ATP11A: variants seen among roughly 807,000 people sequenced by gnomAD.
ATP11A encodes the protein phospholipid-transporting ATPase IH.
In ATP11A, 81 loss-of-function variants were observed where a neutral mutation model predicts 154.4. The observed-to-expected ratio is 0.52, with a 90% CI of 0.44 to 0.63. The LOEUF (loss-of-function observed/expected upper bound fraction) is 0.63. Among genes scored for constraint, ATP11A ranks in the 30% least tolerant of loss-of-function variants. ATP11A has a pLI of 0.00. For missense variants in ATP11A, 1,316 were observed against 1,474.3 expected, an observed-to-expected ratio of 0.89 and a Z score of 1.76; for synonymous variants, 623 against 585.9, an observed-to-expected ratio of 1.06 and a Z score of -0.91.
chr13:112,752,040 CT>C (rs1374187259), intron 1 of ATP11A, among the ~76,000 whole-genome samples: 3 of 152,242 alleles, frequency 2.0e-5, no homozygotes, highest in Non-Finnish European at 4.4e-5. Flanking sequence ...TAAGGGACCC[CT>C]TCCCCCTTTC....
rs1887963482 is a variant in ATP11A at position 112,713,198 on chromosome 13, C to T, written c.39+22743C>T. ...GATCACAAGGTCAGGAGTTTGAGAC[C>T]GGCCTGGCCAACATGGTGAAACCCC... is the stretch of plus-strand genomic sequence containing the variant. On this transcript the variant is annotated intron_variant, in intron 1 of 29. Coordinates refer to ENST00000375645, the MANE Select transcript of ATP11A (RefSeq NM_015205.3). Among the ~76,000 whole-genome samples the T allele has an allele frequency of 3.9e-5, 6 of 152,244 alleles. No homozygotes were observed. In the South Asian group the frequency reaches 1.0e-3, roughly 26 times the overall value.
chr13:112,834,973 C>T (rs1202600154), intron 15 of ATP11A, among the ~76,000 whole-genome samples: 1 of 152,242 alleles, frequency 6.6e-6, no homozygotes, highest in African/African-American at 2.4e-5. Context: ...TCAGGTTTTG[C>T]TGCAGGCCGC....
At chr13:112,822,540 C>T (rs2078825864) in intron 8 of ATP11A, among the ~76,000 whole-genome samples, 1 of 152,042 alleles carries the variant, frequency 6.6e-6, no homozygotes, top group African/African-American at 2.4e-5. Context: ...CCTTTGTCTC[C>T]AGGAATAAGA....
chr13:112,882,881 C>G lies in ATP11A; in HGVS notation c.*1015C>G, dbSNP rs1192053113. ...CAACACCAAGGTGGTGTTCGTGCACCAGAACCTGTCTCGGGCTGACGGGGG... is the reference window on the plus strand; with the variant it reads ...CAACACCAAGGTGGTGTTCGTGCACGAGAACCTGTCTCGGGCTGACGGGGG... On this transcript the variant is annotated 3_prime_UTR_variant, in exon 30 of 30. Transcript: ENST00000375645. This position sits in a 1 kb window ranked among gnomAD's most constrained non-coding sequence, Gnocchi z 5.1. 2.5e-6 allele frequency: 1 copy of G among 398,754 alleles called. No individual in the cohort carries two copies. Among genetic ancestry groups the G allele is most frequent in the African/African-American group, 2.1e-5 (1 of 48,604 alleles). 24.7% of individuals were successfully genotyped at this position (398,754 alleles called of 1,614,324 possible). A position where few individuals can be genotyped will look rare whatever the true frequency, so the allele number is the denominator to read the frequency against.
chr13:112,774,961 T>C (rs1433762825), intron 1 of ATP11A, among the ~76,000 whole-genome samples: 1 of 152,182 alleles, frequency 6.6e-6, no homozygotes, highest in African/African-American at 2.4e-5. Context: ...TGCAAGACCC[T>C]GGGGAATGGA....
In ATP11A at chr13:112,800,216, G is replaced by GA. The variant is rs35798419; in HGVS notation, c.163-4730dup. On this transcript the variant is annotated intron_variant, in intron 2 of 29. Transcript: ENST00000375645. ...TTTAAACATCAAAAGCTGGTTCTTT[G>GA]AAAAAAAAAAATCAATAAAATCAAT... Among the ~76,000 whole-genome samples, 93 of 149,224 alleles carry GA rather than the reference G, an allele frequency of 6.2e-4. No individual in the cohort carries two copies. In the East Asian group the frequency reaches 0.01, roughly 17 times the overall value.
chr13:112,815,863 TTGTC>T (rs1190389824), intron 5 of ATP11A, among the ~76,000 whole-genome samples: 1 of 152,182 alleles, frequency 6.6e-6, no homozygotes, highest in African/African-American at 2.4e-5. Flanking sequence ...TTACAGGTGT[TTGTC>T]TGTGTTTTTG....
chr13:112,729,677 C>T (rs966650830), intron 1 of ATP11A, among the ~76,000 whole-genome samples: 17 of 152,224 alleles, frequency 1.1e-4, no homozygotes, highest in Non-Finnish European at 1.3e-4. Context: ...AAGGCACTGC[C>T]GCAGCGCTCC....
At chr13:112,815,959 C>T in intron 5 of ATP11A, 124 bp from the exon 6 acceptor site, 1 of 1,350,102 alleles carries the variant, frequency 7.4e-7, no homozygotes, top group African/African-American at 1.5e-5. Context: ...TTTCCTGAAA[C>T]CGTGTCCACA....
At chr13:112,765,852 C>A (rs184275662) in intron 1 of ATP11A, among the ~76,000 whole-genome samples, 358 of 152,362 alleles carry the variant, frequency 2.3e-3, no homozygotes, top group Middle Eastern at 6.8e-3. Context: ...TTTTCTGTAA[C>A]GACCTCCCGT....
intron 1 of ATP11A, among the ~76,000 whole-genome samples, chr13:112,732,247 T>A (rs1006265886): frequency 2.6e-5 from 4 of 152,236 alleles, no homozygotes; most frequent in African/African-American, 9.6e-5. Context: ...TAAACGTTTC[T>A]AAGTTAAAAC....
At chr13:112,877,352 C>T (rs964049626) in intron 28 of ATP11A, among the ~76,000 whole-genome samples, 2 of 152,250 alleles carry the variant, frequency 1.3e-5, no homozygotes, top group African/African-American at 4.8e-5. Flanking sequence ...TGGTGGTTTT[C>T]TCTAAGCACG....
In ATP11A at chr13:112,823,374, G is replaced by A; in HGVS notation, c.755G>A (p.Arg252Lys). The A allele has an allele frequency of 6.2e-7, 1 of 1,613,842 alleles. No homozygotes were observed. The highest frequency in any genetic ancestry group is 8.5e-7 in the Non-Finnish European group (1 of 1,179,776). ...TTAGGATCGGAAAACCTGCTGCTTA[G>A]AGGAGCTACACTGAAGAACACTGAG... is the stretch of plus-strand genomic sequence containing the variant. ...RPLGSENLLL[R>K]GATLKNTEKI... The change falls in exon 9 of 30, where the codon AGA becomes AAA. Residue 252 changes from arginine (R) to lysine (K), a missense_variant. This residue lies in a region of ATP11A where 876 missense variants were observed against 1,006.8 expected (regional missense o/e 0.87). Coordinates refer to ENST00000375645, the MANE Select transcript of ATP11A (RefSeq NM_015205.3).
At position 112,773,473 on chromosome 13, in the gene ATP11A, G is replaced by T. The variant is rs1169146579; in HGVS notation, c.40-11662G>T. 2.6e-5 allele frequency among the ~76,000 whole-genome samples: 4 copies of T among 152,328 alleles called. No homozygotes were observed. In the East Asian group the frequency reaches 7.7e-4, roughly 29 times the overall value. On this transcript the variant is annotated intron_variant, in intron 1 of 29. Transcript: ENST00000375645. Reference sequence around the variant, plus strand: ...TGTACGGGTCCCAAGCCGATGCCAGGCATTCAGCCAGTGGCCAGGAGTCCT... The same window carrying T: ...TGTACGGGTCCCAAGCCGATGCCAGTCATTCAGCCAGTGGCCAGGAGTCCT...
At chr13:112,872,356 G>A (rs9549578) in intron 26 of ATP11A, among the ~76,000 whole-genome samples, 65,645 of 152,114 alleles carry the variant, frequency 0.43, 14,656 homozygotes, top group African/African-American at 0.54. Context: ...CACACCTGTA[G>A]TTCCAACACT....
intron 12 of ATP11A, among the ~76,000 whole-genome samples, chr13:112,830,804 C>G (rs968641495): frequency 5.3e-5 from 8 of 152,200 alleles, no homozygotes; most frequent in African/African-American, 1.7e-4. Context: ...ATGAGCTTAT[C>G]TAAAATCAGA....
chr13:112,751,025 C>T (rs543063760), intron 1 of ATP11A, among the ~76,000 whole-genome samples: 1 of 152,352 alleles, frequency 6.6e-6, no homozygotes, highest in Admixed American at 6.5e-5. Flanking sequence ...AGGCATAACA[C>T]GTAGACGGCT....
At position 112,863,561 on chromosome 13, in the gene ATP11A, C is replaced by G. The variant is rs530635252; in HGVS notation, c.2991+986C>G. On this transcript the variant is annotated intron_variant, in intron 25 of 29. Coordinates refer to ENST00000375645, the MANE Select transcript of ATP11A (RefSeq NM_015205.3). ...CGTGCAGCTTCCCAGCGGGATCCATCACCACATGGGCAGTAATTCAGTGCG... is the reference window on the plus strand; with the variant it reads ...CGTGCAGCTTCCCAGCGGGATCCATGACCACATGGGCAGTAATTCAGTGCG... Among the ~76,000 whole-genome samples, 118 of 150,798 alleles carry G rather than the reference C, an allele frequency of 7.8e-4. 1 individual carries two copies. The highest frequency in any genetic ancestry group is 1.5e-3 in the Non-Finnish European group (105 of 67,770).
intron 1 of ATP11A, among the ~76,000 whole-genome samples, chr13:112,762,089 C>A (rs1425995516): frequency 6.6e-6 from 1 of 152,148 alleles, no homozygotes; most frequent in African/African-American, 2.4e-5. Context: ...GGCATTGTAA[C>A]CTAAGGTCAT....
Sources: gnomAD v4.1 joint callset for allele counts (sites outside exome capture counted in the v4.1 genomes callset) on GRCh38, gnomAD v4.1.1 for gene constraint, gnomAD v4.1.1 regional missense constraint, Gnocchi (gnomAD v3.1) non-coding constraint, MANE v1.5 for transcripts, NCBI Gene and HGNC (gene_info 2026-07-23, HGNC 2026-07-21) for gene names.